Variants in SIRT6 observed in about 807,000 individuals in gnomAD.
The protein encoded by SIRT6 is NAD-dependent protein deacylase sirtuin-6.
Under a neutral mutation model 33.6 loss-of-function variants are expected in SIRT6, and 21 were observed. The observed-to-expected ratio is 0.62, with a 90% CI of 0.44 to 0.90. The LOEUF (loss-of-function observed/expected upper bound fraction) is 0.90, where lower values mean the gene tolerates loss of function less well. Among genes scored for constraint, SIRT6 ranks in the 40% least tolerant of loss-of-function variants. SIRT6 has a pLI of 0.00. For missense variants in SIRT6, 504 were observed against 510.6 expected (o/e 0.99, Z 0.12); for synonymous variants, 221 against 223.9 (o/e 0.99, Z 0.12).
rs1050737791 is a variant in SIRT6 at position 4,182,409 on chromosome 19, G to T, written c.66+65C>A. 6 of 1,505,296 alleles carry T rather than the reference G, an allele frequency of 4.0e-6. 1 individual carries two copies. The highest frequency in any genetic ancestry group is 5.4e-6 in the Non-Finnish European group (6 of 1,107,890). 93.2% of individuals were successfully genotyped at this position (1,505,296 alleles called of 1,614,324 possible). ...CCTGATATTCCCACAATGCCCCCCT[G>T]CCATCCGGCCGCTCCCAGCCCGCGG... is the stretch of plus-strand genomic sequence containing the variant. On this transcript the variant is annotated intron_variant, in intron 1 of 7. Coordinates refer to ENST00000337491, the MANE Select transcript of SIRT6 (RefSeq NM_016539.4).
chr19:4,179,199 G>A lies in SIRT6; in HGVS notation c.282C>T (p.Thr94=), dbSNP rs748511925. The change falls in exon 3 of 8, where the codon ACC becomes ACT. Residue 94 remains threonine (T), a synonymous_variant. Transcript: ENST00000337491. ...TTFESARPTQ[T]HMALVQLERV... ...GCTCCAGCTGCACCAGCGCCATGTG[G>A]GTCTGCGTGGGCCGCGCGCTCTCAA... 6.2e-7 allele frequency: 1 copy of A among 1,612,170 alleles called. No individual in the cohort carries two copies. Among genetic ancestry groups the A allele is most frequent in the Admixed American group, 1.7e-5 (1 of 59,762 alleles).
Position 4,175,676 on chromosome 19 carries a change from A to C in SIRT6, c.614+4T>G, listed in dbSNP as rs1967250600. The C allele has an allele frequency of 6.5e-7, 1 of 1,527,108 alleles. No individual in the cohort carries two copies. 94.6% of individuals were successfully genotyped at this position (1,527,108 alleles called of 1,614,324 possible). The stretch of plus-strand genomic sequence containing the variant: ...ATGGGCTCCCTGGGGGTGGGGGGTC[A>C]GACCTGCTGGCCTCATCGGCGAGTG... On this transcript the variant is annotated splice_donor_region_variant and intron_variant, in intron 6 of 7. Coordinates refer to ENST00000337491, the MANE Select transcript of SIRT6 (RefSeq NM_016539.4).
Position 4,174,644 on chromosome 19 carries a change from C to A in SIRT6, c.1041G>T (p.Arg347Ser). The change falls in exon 8 of 8, where the codon AGG (arginine) becomes AGT (serine). Residue 347 changes from arginine to serine, a missense_variant. Physicochemically the swap from Arg to Ser is moderately radical, Grantham distance 110 (BLOSUM62 -1). Coordinates refer to ENST00000337491, the MANE Select transcript of SIRT6 (RefSeq NM_016539.4). The surrounding 1 kb of genome is among the most constrained non-coding windows in gnomAD (Gnocchi z 4.2). ...AGCTGGGGACCGCCTTGGCCTTCAC[C>A]CTTTTGGGGGGTCTGTGGGGGGCAG... ...TSPAPHRPPKRVKAKAVPS is the reference protein window; with the variant it reads ...TSPAPHRPPKSVKAKAVPS The A allele has an allele frequency of 2.1e-6, 3 of 1,449,242 alleles. No homozygotes were observed. The highest frequency in any genetic ancestry group is 2.7e-6 in the Non-Finnish European group (3 of 1,098,188). 89.8% of individuals were successfully genotyped at this position (1,449,242 alleles called of 1,614,324 possible). A position where few individuals can be genotyped will look rare whatever the true frequency, so the allele number is the denominator to read the frequency against.
At chr19:4,182,412 A>G in intron 1 of SIRT6, 62 bp downstream of exon 1, 4 of 1,527,254 alleles carry the variant, frequency 2.6e-6, no homozygotes, top group Non-Finnish European at 2.7e-6. Flanking sequence ...CCCCCCTGCC[A>G]TCCGGCCGCT....
At chr19:4,182,395 C>T (rs1039769728) in intron 1 of SIRT6, 79 bp downstream of exon 1, 2 of 1,426,854 alleles carry the variant, frequency 1.4e-6, no homozygotes, top group African/African-American at 2.9e-5. Flanking sequence ...CTGATATTCC[C>T]ACAATGCCCC....
Position 4,179,252 on chromosome 19 carries a change from C to T in SIRT6, c.229G>A (p.Gly77Ser). 1 of 1,607,766 alleles carries T rather than the reference C, an allele frequency of 6.2e-7. No individual in the cohort carries two copies. Residue 77 changes from glycine to serine, a missense_variant, in exon 3 of 8, where the codon GGT (glycine) becomes AGT (serine). By Grantham distance (56) the Gly-to-Ser change is moderately conservative (BLOSUM62 0). Coordinates refer to ENST00000337491, the MANE Select transcript of SIRT6 (RefSeq NM_016539.4). ...GTGGTGTCGAACTTGGGGGCCAGAC[C>T]TCGCTCCTCCATGGTCCAGACTCCG... ...PHGVWTMEER[G>S]LAPKFDTTFE...
At position 4,182,555 on chromosome 19, in the gene SIRT6, G is replaced by A. The variant is rs1271017863; in HGVS notation, c.-16C>T. The stretch of plus-strand genomic sequence containing the variant: ...TCACCGACATCCTCGACTGCCCCAC[G>A]GGAACAATAAAGTTTCCCTTGTTGA... On this transcript the variant is annotated 5_prime_UTR_variant, in exon 1 of 8. Transcript: ENST00000337491. The A allele has an allele frequency of 2.5e-6, 4 of 1,607,048 alleles. No homozygotes were observed. The highest frequency in any genetic ancestry group is 1.3e-5 in the African/African-American group (1 of 74,408).
At chr19:4,180,378 G>C (rs540425796) in intron 2 of SIRT6, among the ~76,000 whole-genome samples, 2 of 151,462 alleles carry the variant, frequency 1.3e-5, no homozygotes, top group Admixed American at 1.3e-4. Flanking sequence ...TTGTGACAAG[G>C]GACACATCTT....
intron 1 of SIRT6, 70 bp downstream of exon 1, chr19:4,182,404 C>A: frequency 6.8e-7 from 1 of 1,478,084 alleles, no homozygotes; most frequent in Non-Finnish European, 9.2e-7. Context: ...CCACAATGCC[C>A]CCCTGCCATC....
chr19:4,178,826 G>A (rs1009972216), intron 3 of SIRT6, among the ~76,000 whole-genome samples: 5 of 152,134 alleles, frequency 3.3e-5, no homozygotes, highest in African/African-American at 9.7e-5. Flanking sequence ...CAACAAGAAC[G>A]AAACTCGGTC....
intron 4 of SIRT6, among the ~76,000 whole-genome samples, chr19:4,176,815 ACAGCAGTGC>A (rs1252762857): frequency 6.6e-6 from 1 of 152,106 alleles, no homozygotes; most frequent in Non-Finnish European, 1.5e-5. Context: ...GCAGGTTGCT[ACAGCAGTGC>A]CAGGACACGG....
chr19:4,178,663 A>G (rs975985766), intron 3 of SIRT6, among the ~76,000 whole-genome samples: 2 of 152,128 alleles, frequency 1.3e-5, no homozygotes, highest in African/African-American at 4.8e-5. Context: ...CAGCCTGGCC[A>G]ACATGGAGAA....
At position 4,174,379 on chromosome 19, in the gene SIRT6, G is replaced by A; in HGVS notation, c.*238C>T. On this transcript the variant is annotated 3_prime_UTR_variant, in exon 8 of 8. Coordinates refer to ENST00000337491, the MANE Select transcript of SIRT6 (RefSeq NM_016539.4). The surrounding 1 kb of genome is among the most constrained non-coding windows in gnomAD (Gnocchi z 4.2). ...CTCTGGACAACACAGCAAGTCAGAG[G>A]CTGGGGTGTGGCAGGGGCTCACCTG... 2.5e-6 allele frequency: 1 copy of A among 404,062 alleles called. No individual in the cohort carries two copies. The highest frequency in any genetic ancestry group is 4.4e-6 in the Non-Finnish European group (1 of 229,136). The allele number at this position is 404,062 out of a possible 1,614,324, so 25.0% of individuals were successfully genotyped here. A position where few individuals can be genotyped will look rare whatever the true frequency, so the allele number is the denominator to read the frequency against.
At position 4,174,866 on chromosome 19, in the gene SIRT6, G is replaced by T. The variant is rs1355063360; in HGVS notation, c.819C>A (p.Ile273=). The change falls in exon 8 of 8, where the codon ATC becomes ATA. Residue 273 remains isoleucine (I), a synonymous_variant. Coordinates refer to ENST00000337491, the MANE Select transcript of SIRT6 (RefSeq NM_016539.4). This position sits in a 1 kb window ranked among gnomAD's most constrained non-coding sequence, Gnocchi z 4.2. ...TRLMKHLGLE[I]PAWDGPRVLE... ...GCACACGGGGGCCGTCCCAGGCGGG[G>T]ATCTCCAGCCCCAGGTGCTTCATGA... 12 of 1,600,862 alleles carry T rather than the reference G, an allele frequency of 7.5e-6. No individual in the cohort carries two copies. The East Asian group carries it at 1.3e-4, about 18-fold the overall frequency.
Position 4,175,948 on chromosome 19 carries a change from G to C in SIRT6, c.438-11C>G, listed in dbSNP as rs769311045. ...TCTCGGACGTACTGCCTGTGTCAGG[G>C]AGGAAGGGGGAGGATGGGACCAGGT... On this transcript the variant is annotated splice_polypyrimidine_tract_variant and intron_variant, in intron 4 of 7. Coordinates refer to ENST00000337491, the MANE Select transcript of SIRT6 (RefSeq NM_016539.4). 3 of 1,556,448 alleles carry C rather than the reference G, an allele frequency of 1.9e-6. No individual in the cohort carries two copies. The highest frequency in any genetic ancestry group is 1.7e-6 in the Non-Finnish European group (2 of 1,150,030).
At chr19:4,176,405 A>G (rs548702325) in intron 4 of SIRT6, among the ~76,000 whole-genome samples, 99 of 152,302 alleles carry the variant, frequency 6.5e-4, no homozygotes, top group African/African-American at 2.2e-3. Flanking sequence ...CCTGGCCAAT[A>G]TGGTGAAACC....
chr19:4,177,926 A>G (rs533266356), intron 3 of SIRT6, among the ~76,000 whole-genome samples: 1 of 151,066 alleles, frequency 6.6e-6, no homozygotes, highest in African/African-American at 2.4e-5. Flanking sequence ...GGGTTTTACC[A>G]TGTGGCCGGG....
Position 4,175,829 on chromosome 19 carries a change from G to A in SIRT6, c.533+13C>T, listed in dbSNP as rs902728710. The A allele has an allele frequency of 6.4e-7, 1 of 1,555,910 alleles. No individual in the cohort carries two copies. Among genetic ancestry groups the A allele is most frequent in the South Asian group, 1.2e-5 (1 of 84,376 alleles). On this transcript the variant is annotated intron_variant, in intron 5 of 7. Coordinates refer to ENST00000337491, the MANE Select transcript of SIRT6 (RefSeq NM_016539.4). ...CTCCCCTGGAGCCCAGGGCATGGGT[G>A]GGGGTGGCTCACCTGCAGGCTCGCA... is the stretch of plus-strand genomic sequence containing the variant.
chr19:4,177,858 G>A lies in SIRT6; in HGVS notation c.378-720C>T, dbSNP rs571869492. 9.5e-4 allele frequency among the ~76,000 whole-genome samples: 145 copies of A among 152,252 alleles called. 1 individual carries two copies. Among genetic ancestry groups the A allele is most frequent in the African/African-American group, 3.3e-3 (138 of 41,540 alleles). ...ACCCGCCTCGGCCTCCCAAAGTGCCGGGATTACAGGCGTGAGCCACTGTAC... is the reference window on the plus strand; with the variant it reads ...ACCCGCCTCGGCCTCCCAAAGTGCCAGGATTACAGGCGTGAGCCACTGTAC... On this transcript the variant is annotated intron_variant, in intron 3 of 7. Coordinates refer to ENST00000337491, the MANE Select transcript of SIRT6 (RefSeq NM_016539.4).
Sources: gnomAD v4.1 joint callset for allele counts (sites outside exome capture counted in the v4.1 genomes callset) on GRCh38, gnomAD v4.1.1 for gene constraint, Gnocchi (gnomAD v3.1) non-coding constraint, MANE v1.5 for transcripts, NCBI Gene and HGNC (gene_info 2026-07-23, HGNC 2026-07-21) for gene names.